Variants in MCC observed in about 807,000 individuals in gnomAD.
MCC encodes the protein MCC regulator of Wnt signaling pathway.
Under a neutral mutation model 116.2 loss-of-function variants are expected in MCC, and 90 were observed. That is an observed-to-expected ratio of 0.77 (90% CI 0.65 to 0.92). The LOEUF is 0.92. MCC is among the 40% of genes least tolerant of loss of function. MCC has a pLI of 0.00. For synonymous variants in MCC, 578 were observed against 510.5 expected (o/e 1.13, Z -1.78); for missense variants, 1,516 against 1,312.2 (o/e 1.16, Z -2.40).
At chr5:113,431,674 G>A (rs764088888) in intron 1 of MCC, among the ~76,000 whole-genome samples, 16 of 151,318 alleles carry the variant, frequency 1.1e-4, no homozygotes, top group Non-Finnish European at 1.6e-4. Context: ...TCGCCTTAGA[G>A]GGGTATACCT....
intron 8 of MCC, among the ~76,000 whole-genome samples, chr5:113,101,298 A>T (rs982498883): frequency 6.6e-6 from 1 of 152,142 alleles, no homozygotes; most frequent in African/African-American, 2.4e-5. Flanking sequence ...ACGACATTCT[A>T]TACTAGATTC....
chr5:113,380,648 T>C (rs1373332127), intron 2 of MCC, among the ~76,000 whole-genome samples: 1 of 152,140 alleles, frequency 6.6e-6, no homozygotes, highest in Non-Finnish European at 1.5e-5. Context: ...TGGGGAAAGA[T>C]AGATAAGTAA....
At chr5:113,420,711 G>T (rs1053001417) in intron 1 of MCC, among the ~76,000 whole-genome samples, 15 of 152,054 alleles carry the variant, frequency 9.9e-5, no homozygotes, top group African/African-American at 3.4e-4. Context: ...TTTCCCAAGG[G>T]TCTCTCAAAT....
intron 1 of MCC, among the ~76,000 whole-genome samples, chr5:113,443,589 T>A (rs1168564041): frequency 6.6e-6 from 1 of 152,176 alleles, no homozygotes; most frequent in Non-Finnish European, 1.5e-5. Flanking sequence ...TCAAAGGGAA[T>A]GCTTCCAGTT....
chr5:113,204,621 G>C (rs554071788), intron 3 of MCC: 4 of 152,196 alleles, frequency 2.6e-5, no homozygotes, highest in Admixed American at 6.5e-5. Context: ...GGCAGAGAGC[G>C]AGCAGGCCCT....
intron 1 of MCC, among the ~76,000 whole-genome samples, chr5:113,462,735 A>G (rs929650937): frequency 4.6e-5 from 7 of 152,222 alleles, no homozygotes; most frequent in Non-Finnish European, 1.0e-4. Flanking sequence ...AAAAAAGGCA[A>G]CATTTTGGGT....
chr5:113,422,474 A>C (rs1489517969), intron 1 of MCC, among the ~76,000 whole-genome samples: 1 of 152,164 alleles, frequency 6.6e-6, no homozygotes. Flanking sequence ...AGTTTTTAAC[A>C]ATGGTTATGT....
At chr5:113,265,253 T>G (rs1457060416) in intron 3 of MCC, among the ~76,000 whole-genome samples, 1 of 152,112 alleles carries the variant, frequency 6.6e-6, no homozygotes, top group African/African-American at 2.4e-5. Context: ...CTGAGACCCT[T>G]AGAGAATTAG....
intron 3 of MCC, among the ~76,000 whole-genome samples, chr5:113,250,503 C>A (rs1764755537): frequency 1.3e-5 from 2 of 152,124 alleles, no homozygotes; most frequent in South Asian, 4.2e-4. Context: ...CGCTGCCTCC[C>A]AACATCTGTT....
chr5:113,350,161 A>G (rs567124976), intron 2 of MCC, among the ~76,000 whole-genome samples: 1 of 152,196 alleles, frequency 6.6e-6, no homozygotes, highest in East Asian at 1.9e-4. Context: ...CAAAATACTA[A>G]TGACATTCCT....
At chr5:113,271,536 G>A (rs1036035600) in intron 3 of MCC, among the ~76,000 whole-genome samples, 26 of 152,194 alleles carry the variant, frequency 1.7e-4, no homozygotes, top group African/African-American at 6.0e-4. Flanking sequence ...TAACCATCCA[G>A]GATTGCCAGG....
chr5:113,176,787 T>C (rs1417749095), intron 3 of MCC, among the ~76,000 whole-genome samples: 1 of 152,104 alleles, frequency 6.6e-6, no homozygotes, highest in Non-Finnish European at 1.5e-5. Flanking sequence ...TCCACGTCCC[T>C]CTTATCGATT....
intron 1 of MCC, chr5:113,432,678 C>T (rs997100416): frequency 1.3e-5 from 2 of 152,160 alleles, no homozygotes; most frequent in African/African-American, 4.8e-5. Context: ...ATGCTTTTCA[C>T]TATTGTTACA....
intron 1 of MCC, among the ~76,000 whole-genome samples, chr5:113,451,267 C>T (rs1451982399): frequency 6.6e-6 from 1 of 152,196 alleles, no homozygotes; most frequent in African/African-American, 2.4e-5. Context: ...ACAAAAGGCC[C>T]TCAGATAAAG....
At chr5:113,088,946 G>T (rs1195834245) in intron 8 of MCC, among the ~76,000 whole-genome samples, 2 of 152,140 alleles carry the variant, frequency 1.3e-5, no homozygotes, top group African/African-American at 4.8e-5. Context: ...ACTGCACACG[G>T]CTATTTTTAT....
chr5:113,085,374 ATGGGTAGG>A (rs1755142487), intron 8 of MCC, 64 bp from the exon 9 acceptor site: 6 of 1,505,872 alleles, frequency 4.0e-6, no homozygotes, highest in Non-Finnish European at 4.5e-6. Context: ...AAACAGCCAG[ATGGGTAGG>A]TGGTGGGGCT....
chr5:113,195,747 T>G (rs751764029), intron 3 of MCC, among the ~76,000 whole-genome samples: 7 of 152,242 alleles, frequency 4.6e-5, no homozygotes, highest in Non-Finnish European at 1.0e-4. Context: ...TTTTCACTTC[T>G]CAAACTCCTT....
chr5:113,068,183 G>A lies in MCC; in HGVS notation c.1926C>T (p.Ser642=), dbSNP rs748650170. The stretch of plus-strand genomic sequence containing the variant: ...GTTCGTAGGCTTCGATGCACTGCTC[G>A]CTGAAACAAAGCACATGGGGCCTCA... ...ATALRLALQY[S]EQCIEAYELL... Residue 642 remains serine (S), a splice_region_variant and synonymous_variant, in exon 13 of 19, where the codon AGC becomes AGT. Coordinates refer to ENST00000408903, the MANE Select transcript of MCC (RefSeq NM_001085377.2). 2.9e-5 allele frequency: 46 copies of A among 1,612,238 alleles called. No individual in the cohort carries two copies. Among genetic ancestry groups the A allele is most frequent in the South Asian group, 7.7e-5 (7 of 91,030 alleles).
At chr5:113,207,356 G>A (rs1361078688) in intron 3 of MCC, among the ~76,000 whole-genome samples, 2 of 149,528 alleles carry the variant, frequency 1.3e-5, no homozygotes, top group South Asian at 2.1e-4. Flanking sequence ...CATCCAGTAC[G>A]TATTAGCTAT....
Sources: allele counts gnomAD v4.1 joint callset (sites outside exome capture counted in the v4.1 genomes callset), GRCh38; gene constraint gnomAD v4.1.1; transcripts MANE v1.5; gene names NCBI Gene and HGNC (gene_info 2026-07-23, HGNC 2026-07-21).